AHCY: variants seen among roughly 807,000 people sequenced by gnomAD.
AHCY encodes the protein adenosylhomocysteinase.
Under a neutral mutation model 45.4 loss-of-function variants are expected in AHCY, and 24 were observed. That is an observed-to-expected ratio of 0.53 (90% CI 0.38 to 0.74). AHCY has a LOEUF of 0.74. Among genes scored for constraint, AHCY ranks in the 30% least tolerant of loss-of-function variants. AHCY has a pLI of 0.00. For synonymous variants in AHCY, 245 were observed against 235.1 expected, an observed-to-expected ratio of 1.04 and a Z score of -0.39; for missense variants, 449 against 594.1, an observed-to-expected ratio of 0.76 and a Z score of 2.54.
At chr20:34,271,690 C>T in the AHCY span, among the ~76,000 whole-genome samples, 3 of 151,864 alleles carry the variant, frequency 2.0e-5, no homozygotes, top group Non-Finnish European at 2.9e-5. Context: ...CTCAGCCTCC[C>T]GAGTAGCTGG....
chr20:34,307,921 T>G (rs1310732027), upstream of AHCY, among the ~76,000 whole-genome samples: 1 of 148,128 alleles, frequency 6.8e-6, no homozygotes, highest in Non-Finnish European at 1.5e-5. Context: ...AGCACCTAAG[T>G]TTTTTTTTTT....
chr20:34,236,929 T>C, the AHCY span, among the ~76,000 whole-genome samples: 1 of 152,212 alleles, frequency 6.6e-6, no homozygotes, highest in African/African-American at 2.4e-5. Flanking sequence ...CATGTAGATA[T>C]CCACTTTTCC....
At chr20:34,283,056 C>T (rs981016715) in intron 9 of AHCY, among the ~76,000 whole-genome samples, 5 of 152,136 alleles carry the variant, frequency 3.3e-5, no homozygotes, top group African/African-American at 4.8e-5. Context: ...AGCAGAGAGG[C>T]GGGCAACAGT....
upstream of AHCY, among the ~76,000 whole-genome samples, chr20:34,306,518 G>A (rs941954811): frequency 3.3e-5 from 5 of 151,854 alleles, no homozygotes; most frequent in African/African-American, 1.2e-4. Flanking sequence ...ACAGGCACAC[G>A]CTCCCACACC....
At chr20:34,271,624 G>T in the AHCY span, among the ~76,000 whole-genome samples, 1 of 144,356 alleles carries the variant, frequency 6.9e-6, no homozygotes. Context: ...GTAGTGTAGT[G>T]GCGCAATATG....
rs17091729 is a variant in AHCY at position 34,302,612 on chromosome 20, T to C, written c.28+631A>G. 5.5e-3 allele frequency: 5,387 copies of C among 985,548 alleles called. 216 individuals carry two copies. The African/African-American group carries it at 0.082, about 15-fold the overall frequency. The allele number at this position is 985,548 out of a possible 1,614,324, so 61.1% of individuals were successfully genotyped here. A position where few individuals can be genotyped will look rare whatever the true frequency, so the allele number is the denominator to read the frequency against. ...TAAGTAAACGTTAACTATCCCTGTA[T>C]TACACTTCAATCGGTGGGACAGCAG... On this transcript the variant is annotated intron_variant, in intron 1 of 9. Coordinates refer to ENST00000217426, the MANE Select transcript of AHCY (RefSeq NM_000687.4).
intron 3 of AHCY, among the ~76,000 whole-genome samples, chr20:34,292,717 C>A (rs888964585): frequency 6.6e-6 from 1 of 152,218 alleles, no homozygotes; most frequent in South Asian, 2.1e-4. Context: ...AGCTGTGTGA[C>A]CTTGGGCAAA....
At chr20:34,249,108 G>T in the AHCY span, among the ~76,000 whole-genome samples, 1 of 151,962 alleles carries the variant, frequency 6.6e-6, no homozygotes, top group Non-Finnish European at 1.5e-5. Context: ...CAGCCTGGGT[G>T]ACAGAGTGAG....
chr20:34,264,921 AAGC>A, the AHCY span, among the ~76,000 whole-genome samples: 1 of 150,798 alleles, frequency 6.6e-6, no homozygotes, highest in Non-Finnish European at 1.5e-5. Flanking sequence ...TCAGCCCCAC[AAGC>A]AGCTAGGACT....
chr20:34,262,870 G>C, the AHCY span: 1 of 1,614,056 alleles, frequency 6.2e-7, no homozygotes, highest in East Asian at 2.2e-5. Flanking sequence ...CAGAAAAGCA[G>C]CAGAAAAGAA....
chr20:34,283,620 T>G (rs922132261), intron 9 of AHCY, among the ~76,000 whole-genome samples: 1 of 152,074 alleles, frequency 6.6e-6, no homozygotes, highest in Non-Finnish European at 1.5e-5. Flanking sequence ...TTCAAAGGCC[T>G]GACCAATTTC....
intron 8 of AHCY, among the ~76,000 whole-genome samples, chr20:34,286,834 C>CAAAAA (rs71194603): frequency 7.4e-5 from 4 of 53,732 alleles, no homozygotes; most frequent in East Asian, 5.5e-4. Flanking sequence ...AACTCCGTCT[C>CAAAAA]AAAAAAAAAA....
chr20:34,288,146 T>C (rs756623602), intron 8 of AHCY, among the ~76,000 whole-genome samples: 1 of 152,004 alleles, frequency 6.6e-6, no homozygotes, highest in African/African-American at 2.4e-5. Flanking sequence ...CCTAGACTAG[T>C]GCAGGACCTA....
chr20:34,235,862 AAGGAAAGG>A, the AHCY span, among the ~76,000 whole-genome samples: 8,245 of 54,186 alleles, frequency 0.15, 1,129 homozygotes, highest in African/African-American at 0.21. Context: ...GGAAGGAAGG[AAGGAAAGG>A]AAGGAAGGAA....
At chr20:34,269,115 G>C in the AHCY span, 1 of 1,562,858 alleles carries the variant, frequency 6.4e-7, no homozygotes, top group Non-Finnish European at 8.7e-7. Context: ...TCCTGCCAGT[G>C]CCGCTTCTTC....
the AHCY span, among the ~76,000 whole-genome samples, chr20:34,245,000 C>G: frequency 3.9e-5 from 6 of 152,002 alleles, no homozygotes; most frequent in African/African-American, 1.5e-4. Context: ...AAAAATGCTC[C>G]ACATAAAAAG....
At position 34,281,105 on chromosome 20, in the gene AHCY, T is replaced by A. The variant is rs1194152113; in HGVS notation, c.1228A>T (p.Thr410Ser). The A allele has an allele frequency of 1.9e-6, 3 of 1,614,116 alleles. No individual in the cohort carries two copies. In the Admixed American group the frequency reaches 5.0e-5, roughly 27 times the overall value. Residue 410 changes from threonine (T) to serine (S), a missense_variant, in exon 10 of 10, where the codon ACT (threonine) becomes TCT (serine). By Grantham distance (58) the Thr-to-Ser change is moderately conservative. Coordinates refer to ENST00000217426, the MANE Select transcript of AHCY (RefSeq NM_000687.4). ...CCCAGGTACTGGGCTTGCTTCTCAG[T>A]TAGCTTGGTCAACTTCACATTCAGC... ...GKLNVKLTKLTEKQAQYLGMS... is the reference protein window; with the variant it reads ...GKLNVKLTKLSEKQAQYLGMS...
the AHCY span, among the ~76,000 whole-genome samples, chr20:34,266,377 T>A: frequency 7.2e-5 from 10 of 139,694 alleles, no homozygotes; most frequent in African/African-American, 2.1e-4. Context: ...AAACAAAAAA[T>A]AAAAGGCAGA....
chr20:34,273,027 TCTGG>T, the AHCY span, among the ~76,000 whole-genome samples: 1 of 152,204 alleles, frequency 6.6e-6, no homozygotes, highest in Admixed American at 6.5e-5. Flanking sequence ...CCCCAGCATG[TCTGG>T]CTATCAGGAA....
Sources: allele counts gnomAD v4.1 joint callset (sites outside exome capture counted in the v4.1 genomes callset), GRCh38; gene constraint gnomAD v4.1.1; transcripts MANE v1.5; gene names NCBI Gene and HGNC (gene_info 2026-07-23, HGNC 2026-07-21).